PTPRG: variants seen among roughly 807,000 people sequenced by gnomAD.
PTPRG encodes the protein receptor-type tyrosine-protein phosphatase gamma.
In PTPRG, 102 loss-of-function variants were observed where a neutral mutation model predicts 165.3. The ratio of observed to expected loss-of-function variants is 0.62; its 90% CI spans 0.53 to 0.73. PTPRG has a LOEUF of 0.73. Ranked by LOEUF, PTPRG falls within the 30% of genes least tolerant of loss-of-function variation. PTPRG has a pLI of 0.00. For synonymous variants in PTPRG, 675 were observed against 669.5 expected (o/e 1.01, Z -0.13); for missense variants, 1,866 against 1,861.4 (o/e 1.00, Z -0.05).
At chr3:62,127,790 G>T (rs115960105) in intron 5 of PTPRG, among the ~76,000 whole-genome samples, 1 of 152,120 alleles carries the variant, frequency 6.6e-6, no homozygotes, top group African/African-American at 2.4e-5. Context: ...ATATCTGAAC[G>T]CAGGCACATG....
intron 2 of PTPRG, among the ~76,000 whole-genome samples, chr3:61,969,062 G>A (rs1313616633): frequency 6.6e-6 from 1 of 152,182 alleles, no homozygotes; most frequent in African/African-American, 2.4e-5. Flanking sequence ...AGTCCTGCAT[G>A]TATCAGTTTA....
chr3:61,623,105 T>G (rs1701507695), intron 1 of PTPRG, among the ~76,000 whole-genome samples: 3 of 152,130 alleles, frequency 2.0e-5, no homozygotes, highest in Admixed American at 2.0e-4. Context: ...TAGAATGGAT[T>G]ATGACTGACA....
chr3:62,143,173 C>T (rs937054665), intron 6 of PTPRG, among the ~76,000 whole-genome samples: 6 of 152,166 alleles, frequency 3.9e-5, no homozygotes, highest in Non-Finnish European at 8.8e-5. Flanking sequence ...TTGAACAGGA[C>T]CATAATCTGT....
At chr3:62,208,166 C>G (rs1039954236) in intron 12 of PTPRG, among the ~76,000 whole-genome samples, 1 of 152,128 alleles carries the variant, frequency 6.6e-6, no homozygotes, top group African/African-American at 2.4e-5. Flanking sequence ...GGCTTGAAGG[C>G]CTAGGTGTAC....
At chr3:61,712,234 C>A (rs775809879) in intron 1 of PTPRG, among the ~76,000 whole-genome samples, 2 of 151,674 alleles carry the variant, frequency 1.3e-5, no homozygotes, top group Admixed American at 6.6e-5. Flanking sequence ...TAACTGCCAT[C>A]GATTATTTTT....
chr3:61,715,505 C>T (rs1024033392), intron 1 of PTPRG, among the ~76,000 whole-genome samples: 3 of 152,152 alleles, frequency 2.0e-5, no homozygotes, highest in African/African-American at 7.2e-5. Context: ...TGGTGTGAGC[C>T]ACCGCGTCTG....
At chr3:61,962,542 A>G (rs1240367877) in intron 2 of PTPRG, among the ~76,000 whole-genome samples, 1 of 152,100 alleles carries the variant, frequency 6.6e-6, no homozygotes, top group African/African-American at 2.4e-5. Flanking sequence ...ATTAAGGCTC[A>G]TTTTTTTATA....
Position 61,887,123 on chromosome 3 carries a change from CATATATATAT to C in PTPRG, c.191-102463_191-102454del, listed in dbSNP as rs148352398. Among the ~76,000 whole-genome samples the C allele has an allele frequency of 3.1e-3, 270 of 85,908 alleles. 3 individuals carry two copies. Among genetic ancestry groups the C allele is most frequent in the East Asian group, 6.9e-3 (8 of 1,158 alleles). 56.4% of individuals were successfully genotyped at this position (85,908 alleles called of 152,430 possible). A position where few individuals can be genotyped will look rare whatever the true frequency, so the allele number is the denominator to read the frequency against. On this transcript the variant is annotated intron_variant, in intron 2 of 29. Coordinates refer to ENST00000474889, the MANE Select transcript of PTPRG (RefSeq NM_002841.4). ...ATTTTTAAAGTATAACCATAGCATG[CATATATATAT>C]ATATATATATATATATATATATATA... is the stretch of plus-strand genomic sequence containing the variant.
chr3:61,640,818 C>G (rs1169663242), intron 1 of PTPRG, among the ~76,000 whole-genome samples: 1 of 152,212 alleles, frequency 6.6e-6, no homozygotes, highest in Non-Finnish European at 1.5e-5. Context: ...TCTTGGATCA[C>G]TTTCTGAATA....
At chr3:61,863,250 C>A (rs1344939324) in intron 2 of PTPRG, among the ~76,000 whole-genome samples, 2 of 152,206 alleles carry the variant, frequency 1.3e-5, no homozygotes, top group Non-Finnish European at 2.9e-5. Flanking sequence ...CTCCTTTCTT[C>A]ACTCCTCTTC....
rs71123255 is a variant in PTPRG at position 62,192,393 on chromosome 3, C to CTTTTT, written c.1218+769_1218+773dup. Among the ~76,000 whole-genome samples, 267 of 52,648 alleles carry CTTTTT rather than the reference C, an allele frequency of 5.1e-3. 27 individuals carry two copies. The highest frequency in any genetic ancestry group is 0.011 in the East Asian group (14 of 1,268). The allele number at this position is 52,648 out of a possible 152,430, so 34.5% of individuals were successfully genotyped here. Reference sequence around the variant, plus strand: ...ATAAAGCAAACTCCACAACTACTGTCTTTTTTTTTTTTTTTTTTTTTTTTT... The same window carrying CTTTTT: ...ATAAAGCAAACTCCACAACTACTGTCTTTTTTTTTTTTTTTTTTTTTTTTTTTTTT... On this transcript the variant is annotated intron_variant, in intron 9 of 29. Transcript: ENST00000474889.
chr3:61,629,343 T>A (rs1701702711), intron 1 of PTPRG, among the ~76,000 whole-genome samples: 1 of 151,894 alleles, frequency 6.6e-6, no homozygotes, highest in South Asian at 2.1e-4. Flanking sequence ...TTAGTAGAGA[T>A]GAGGTTTCAC....
At position 62,012,695 on chromosome 3, in the gene PTPRG, G is replaced by A. The variant is rs1455366490; in HGVS notation, c.519+9198G>A. On this transcript the variant is annotated intron_variant, in intron 4 of 29. Coordinates refer to ENST00000474889, the MANE Select transcript of PTPRG (RefSeq NM_002841.4). The stretch of plus-strand genomic sequence containing the variant: ...TCAGGTGTGGAATTTCCCACTTGTG[G>A]CATCATATCAGAGCTCAAAAAGTGT... 2.6e-5 allele frequency among the ~76,000 whole-genome samples: 4 copies of A among 152,156 alleles called. No homozygotes were observed. In the East Asian group the frequency reaches 7.7e-4, roughly 29 times the overall value.
intron 2 of PTPRG, among the ~76,000 whole-genome samples, chr3:61,833,833 A>G (rs566852767): frequency 1.8e-4 from 27 of 152,214 alleles, no homozygotes; most frequent in South Asian, 8.3e-4. Context: ...CCAAAGCGCT[A>G]GGATTACAGG....
chr3:61,783,571 G>C (rs1360864268), intron 2 of PTPRG, among the ~76,000 whole-genome samples: 1 of 152,128 alleles, frequency 6.6e-6, no homozygotes, highest in African/African-American at 2.4e-5. Context: ...TGTGTGTCTG[G>C]GTGATATGTG....
intron 2 of PTPRG, among the ~76,000 whole-genome samples, chr3:61,898,629 G>A (rs1029260550): frequency 6.6e-6 from 1 of 152,228 alleles, no homozygotes. Flanking sequence ...TTTTGCCCAG[G>A]CATTACCTCT....
At chr3:61,705,173 A>G (rs963313451) in intron 1 of PTPRG, among the ~76,000 whole-genome samples, 1 of 152,178 alleles carries the variant, frequency 6.6e-6, no homozygotes, top group African/African-American at 2.4e-5. Flanking sequence ...ATAGGCATCC[A>G]CCACGAAGGG....
At chr3:61,823,712 G>C (rs1383940161) in intron 2 of PTPRG, among the ~76,000 whole-genome samples, 1 of 152,204 alleles carries the variant, frequency 6.6e-6, no homozygotes, top group Non-Finnish European at 1.5e-5. Context: ...TCTTCATGGA[G>C]TTTAAGTTCA....
intron 1 of PTPRG, among the ~76,000 whole-genome samples, chr3:61,718,227 A>AAAC (rs2106778953): frequency 6.6e-6 from 1 of 151,970 alleles, no homozygotes; most frequent in East Asian, 1.9e-4. Context: ...AAAAAAAAAA[A>AAAC]AACGCAGACT....
Sources: gnomAD v4.1 joint callset for allele counts (sites outside exome capture counted in the v4.1 genomes callset) on GRCh38, gnomAD v4.1.1 for gene constraint, MANE v1.5 for transcripts, NCBI Gene and HGNC (gene_info 2026-07-23, HGNC 2026-07-21) for gene names.